The following DENND1A variants were observed in gnomAD, a reference collection of about 807,000 sequenced individuals.
DENND1A encodes the protein DENN domain-containing protein 1A.
A neutral mutation model predicts 113.7 loss-of-function variants in DENND1A; 51 were observed. The observed-to-expected ratio is 0.45, with a 90% CI of 0.36 to 0.57. The LOEUF (loss-of-function observed/expected upper bound fraction) is 0.57, where lower values mean the gene tolerates loss of function less well. Ranked by LOEUF, DENND1A falls within the 20% of genes least tolerant of loss-of-function variation. The pLI, the probability that DENND1A is intolerant of heterozygous loss-of-function variation, is 0.00. For synonymous variants in DENND1A, 565 were observed against 570.8 expected (o/e 0.99, Z 0.14); for missense variants, 1,258 against 1,395.9 (o/e 0.90, Z 1.57).
intron 3 of DENND1A, among the ~76,000 whole-genome samples, chr9:123,770,552 T>C (rs1257898091): frequency 6.6e-6 from 1 of 152,228 alleles, no homozygotes; most frequent in Non-Finnish European, 1.5e-5. Context: ...TTAATTTAAC[T>C]TCAGACTTGG....
intron 13 of DENND1A, among the ~76,000 whole-genome samples, chr9:123,521,522 C>T (rs2054394731): frequency 6.6e-6 from 1 of 152,150 alleles, no homozygotes; most frequent in African/African-American, 2.4e-5. Context: ...ATCAGTGTTC[C>T]AAACAAGCTA....
chr9:123,844,588 A>C (rs2133036613), intron 2 of DENND1A, among the ~76,000 whole-genome samples: 1 of 152,324 alleles, frequency 6.6e-6, no homozygotes, highest in East Asian at 1.9e-4. Context: ...TAATAAATGG[A>C]AAGATATCCT....
intron 1 of DENND1A, among the ~76,000 whole-genome samples, chr9:123,880,000 T>G (rs1848089019): frequency 6.6e-6 from 1 of 152,206 alleles, no homozygotes; most frequent in Non-Finnish European, 1.5e-5. Flanking sequence ...TCATAACAGT[T>G]CATAAATTTG....
chr9:123,414,417 G>A, intron 19 of DENND1A: 1 of 1,449,180 alleles, frequency 6.9e-7, no homozygotes, highest in Non-Finnish European at 9.1e-7. Context: ...ACCCAGTCTT[G>A]GCACTTGGCA....
intron 1 of DENND1A, among the ~76,000 whole-genome samples, chr9:123,925,115 C>T (rs1385861257): frequency 6.6e-6 from 1 of 152,156 alleles, no homozygotes; most frequent in African/African-American, 2.4e-5. Context: ...GTCCACAAGA[C>T]TGTATGCACC....
chr9:123,721,621 C>A (rs2067345934), intron 5 of DENND1A, among the ~76,000 whole-genome samples: 1 of 152,224 alleles, frequency 6.6e-6, no homozygotes, highest in African/African-American at 2.4e-5. Flanking sequence ...GTGATCAAAT[C>A]ATGGGGGCAG....
chr9:123,866,710 C>T (rs571664181), intron 2 of DENND1A, among the ~76,000 whole-genome samples: 7 of 152,272 alleles, frequency 4.6e-5, no homozygotes, highest in Non-Finnish European at 8.8e-5. Context: ...ACTTCCTGTG[C>T]TGAGCATTTT....
chr9:123,815,638 G>A, intron 2 of DENND1A, among the ~76,000 whole-genome samples: 1 of 152,238 alleles, frequency 6.6e-6, no homozygotes, highest in East Asian at 1.9e-4. Context: ...GAGAAAGGAA[G>A]GGGTAAAAAT....
At chr9:123,857,013 T>G (rs1175295214) in intron 2 of DENND1A, among the ~76,000 whole-genome samples, 1 of 151,960 alleles carries the variant, frequency 6.6e-6, no homozygotes, top group Non-Finnish European at 1.5e-5. Flanking sequence ...TATACACAGA[T>G]AGATGCAGAA....
At chr9:123,909,625 CT>C (rs1487346713) in intron 1 of DENND1A, among the ~76,000 whole-genome samples, 1 of 151,938 alleles carries the variant, frequency 6.6e-6, no homozygotes, top group Non-Finnish European at 1.5e-5. Context: ...GCACTTTCCT[CT>C]GAATTCAGGT....
chr9:123,589,681 G>A (rs991750732), intron 11 of DENND1A, among the ~76,000 whole-genome samples: 3 of 140,852 alleles, frequency 2.1e-5, no homozygotes, highest in African/African-American at 8.1e-5. Flanking sequence ...AAACTGACAT[G>A]CACACTGGCT....
intron 4 of DENND1A, among the ~76,000 whole-genome samples, chr9:123,765,197 T>A (rs1456771639): frequency 6.6e-6 from 1 of 152,124 alleles, no homozygotes; most frequent in Non-Finnish European, 1.5e-5. Context: ...TGATGGATCT[T>A]ATGGAGGCAG....
At chr9:123,402,592 C>T (rs184395895) in intron 21 of DENND1A, 35 of 534,790 alleles carry the variant, frequency 6.5e-5, no homozygotes, top group African/African-American at 3.1e-4. Context: ...TAGACCAAGA[C>T]GAACTCATGC....
At chr9:123,862,669 T>C (rs1845211031) in intron 2 of DENND1A, among the ~76,000 whole-genome samples, 2 of 152,180 alleles carry the variant, frequency 1.3e-5, no homozygotes, top group Non-Finnish European at 2.9e-5. Flanking sequence ...ATAGTTTATC[T>C]TTGGCACAGT....
At chr9:123,792,020 C>T (rs775414010) in intron 3 of DENND1A, among the ~76,000 whole-genome samples, 4 of 152,284 alleles carry the variant, frequency 2.6e-5, no homozygotes, top group South Asian at 2.1e-4. Context: ...GTTCCTTCTA[C>T]CCCATTCTAT....
chr9:123,798,211 A>G (rs1306611024), intron 2 of DENND1A: 1 of 152,214 alleles, frequency 6.6e-6, no homozygotes, highest in Non-Finnish European at 1.5e-5. Context: ...ATCAACACCC[A>G]TAATAAAAAC....
At chr9:123,802,171 C>T (rs1279047301) in intron 2 of DENND1A, among the ~76,000 whole-genome samples, 1 of 152,166 alleles carries the variant, frequency 6.6e-6, no homozygotes, top group Non-Finnish European at 1.5e-5. Flanking sequence ...TCTAAGCTCC[C>T]TTTACATCCT....
chr9:123,660,071 G>A (rs546386620), intron 8 of DENND1A, among the ~76,000 whole-genome samples: 23 of 152,260 alleles, frequency 1.5e-4, no homozygotes, highest in Non-Finnish European at 2.5e-4. Context: ...GGGAGGCAGT[G>A]GGGTACAACA....
intron 2 of DENND1A, among the ~76,000 whole-genome samples, chr9:123,852,159 G>C (rs922578140): frequency 6.6e-6 from 1 of 152,164 alleles, no homozygotes; most frequent in African/African-American, 2.4e-5. Context: ...TGGTAGGGAC[G>C]GGGAACAGTT....
Sources: gnomAD v4.1 joint callset for allele counts (sites outside exome capture counted in the v4.1 genomes callset) on GRCh38, gnomAD v4.1.1 for gene constraint, MANE v1.5 for transcripts, NCBI Gene and HGNC (gene_info 2026-07-23, HGNC 2026-07-21) for gene names.